TRMT11: variants seen among roughly 807,000 people sequenced by gnomAD.
The protein encoded by TRMT11 is tRNA methyltransferase 11.
Under a neutral mutation model 62.8 loss-of-function variants are expected in TRMT11, and 53 were observed. The ratio of observed to expected loss-of-function variants is 0.84; its 90% CI spans 0.68 to 1.06. The LOEUF (loss-of-function observed/expected upper bound fraction) is 1.06, where lower values mean the gene tolerates loss of function less well. Among genes scored for constraint, TRMT11 ranks in the 50% least tolerant of loss-of-function variants. The probability of loss-of-function intolerance (pLI) is 0.00; values close to 1 mark genes in which losing one functional copy is unlikely to be tolerated. For missense variants in TRMT11, 556 were observed against 553.4 expected (o/e 1.00, Z -0.05); for synonymous variants, 188 against 190.3 (o/e 0.99, Z 0.10).
chr6:126,112,203 G>T (rs1055486905), intron 17 of TRMT11, among the ~76,000 whole-genome samples: 1 of 152,054 alleles, frequency 6.6e-6, no homozygotes, highest in Non-Finnish European at 1.5e-5. Context: ...GCCACCACCT[G>T]CCCATTAGAG....
chr6:126,000,649 T>A (rs1792318027), intron 7 of TRMT11, among the ~76,000 whole-genome samples: 4 of 152,148 alleles, frequency 2.6e-5, no homozygotes, highest in Admixed American at 2.6e-4. Flanking sequence ...GCCAACCAGC[T>A]ATTACACCAT....
chr6:126,084,779 G>T (rs11964307), intron 17 of TRMT11, among the ~76,000 whole-genome samples: 1,935 of 152,212 alleles, frequency 0.013, 45 homozygotes, highest in African/African-American at 0.044. Context: ...AATCCTACCA[G>T]TTGTGGCAAC....
intron 17 of TRMT11, among the ~76,000 whole-genome samples, chr6:126,106,975 CTA>C (rs1206300616): frequency 2.7e-5 from 4 of 149,828 alleles, no homozygotes; most frequent in Admixed American, 2.7e-4. Context: ...TGTGGGGACA[CTA>C]TGATTATTGT....
chr6:126,226,540 A>C, the TRMT11 span, among the ~76,000 whole-genome samples: 1 of 152,192 alleles, frequency 6.6e-6, no homozygotes, highest in Non-Finnish European at 1.5e-5. Flanking sequence ...AATAATTTCT[A>C]TATGGAAATG....
chr6:126,109,305 T>C (rs73577932), intron 17 of TRMT11, among the ~76,000 whole-genome samples: 152 of 152,304 alleles, frequency 1.0e-3, no homozygotes, highest in African/African-American at 3.0e-3. Context: ...GTTGTCTCTT[T>C]AGTCTCTTTT....
intron 21 of TRMT11, among the ~76,000 whole-genome samples, chr6:126,163,337 T>C (rs956432868): frequency 1.3e-5 from 2 of 152,204 alleles, no homozygotes; most frequent in Admixed American, 6.5e-5. Flanking sequence ...TTGTCATTAG[T>C]TCTGTTTATG....
chr6:126,127,699 C>T (rs1777734259), intron 21 of TRMT11, among the ~76,000 whole-genome samples: 1 of 145,382 alleles, frequency 6.9e-6, no homozygotes, highest in Admixed American at 7.0e-5. Flanking sequence ...GTTCCCCTTC[C>T]TGTGTCCATG....
chr6:126,165,976 C>T (rs1778256701), intron 21 of TRMT11, among the ~76,000 whole-genome samples: 2 of 152,078 alleles, frequency 1.3e-5, no homozygotes, highest in African/African-American at 4.8e-5. Flanking sequence ...AGGCTTTGTT[C>T]ATTCCTTTTA....
At chr6:126,048,695 A>G (rs562393795) in intron 16 of TRMT11, among the ~76,000 whole-genome samples, 68 of 152,256 alleles carry the variant, frequency 4.5e-4, no homozygotes, top group Middle Eastern at 3.4e-3. Context: ...TTCTGATGCA[A>G]AGGCTACCAT....
intron 1 of TRMT11, among the ~76,000 whole-genome samples, chr6:126,189,056 G>A (rs1053013126): frequency 1.3e-5 from 2 of 152,136 alleles, no homozygotes; most frequent in Non-Finnish European, 2.9e-5. Flanking sequence ...ATTGGGAGAA[G>A]GGTTGGTTCT....
intron 1 of TRMT11, among the ~76,000 whole-genome samples, chr6:125,990,899 ATG>A (rs1247184159): frequency 6.6e-6 from 1 of 152,038 alleles, no homozygotes; most frequent in East Asian, 1.9e-4. Flanking sequence ...CCTAAGATAA[ATG>A]TGTGTGTATT....
intron 12 of TRMT11, among the ~76,000 whole-genome samples, chr6:126,034,529 A>G (rs1252544964): frequency 6.6e-6 from 1 of 152,160 alleles, no homozygotes; most frequent in Non-Finnish European, 1.5e-5. Flanking sequence ...AGTATAGTCA[A>G]TAGTCTTAAT....
intron 17 of TRMT11, among the ~76,000 whole-genome samples, chr6:126,056,204 T>C (rs1776370141): frequency 6.6e-6 from 1 of 152,228 alleles, no homozygotes. Context: ...TTGGGATGAT[T>C]TGTATGAATG....
chr6:125,995,982 C>A lies in TRMT11; in HGVS notation c.154C>A (p.Leu52Ile). 6.2e-7 allele frequency: 1 copy of A among 1,610,334 alleles called. No homozygotes were observed. The highest frequency in any genetic ancestry group is 1.1e-5 in the South Asian group (1 of 90,998). Reference sequence around the variant, plus strand: ...TTTCTTTTAGTCACCATTTTGGATTCTTAGCATTCCCTCTGAAGATATTGC... The same window carrying A: ...TTTCTTTTAGTCACCATTTTGGATTATTAGCATTCCCTCTGAAGATATTGC... The part of the protein sequence containing the change: ...ETYGKSPFWI[L>I]SIPSEDIARN... Residue 52 changes from leucine (L) to isoleucine (I), a missense_variant, in exon 3 of 13, where the codon CTT becomes ATT. By Grantham distance (5) the Leu-to-Ile change is conservative. Coordinates refer to ENST00000334379, the MANE Select transcript of TRMT11 (RefSeq NM_001031712.3).
At chr6:126,064,830 T>G (rs1017504599) in intron 17 of TRMT11, among the ~76,000 whole-genome samples, 11 of 152,226 alleles carry the variant, frequency 7.2e-5, no homozygotes, top group Non-Finnish European at 1.5e-4. Context: ...AGAGGTGGTT[T>G]TTGTTTTATG....
intron 12 of TRMT11, among the ~76,000 whole-genome samples, chr6:126,027,167 T>G (rs993591973): frequency 7.2e-5 from 11 of 152,206 alleles, no homozygotes; most frequent in African/African-American, 2.2e-4. Context: ...CTGCTATATG[T>G]GGTTGTAGTC....
intron 1 of TRMT11, among the ~76,000 whole-genome samples, chr6:126,179,508 A>G (rs1778431101): frequency 6.6e-6 from 1 of 152,186 alleles, no homozygotes; most frequent in African/African-American, 2.4e-5. Flanking sequence ...CTTGGCTTCC[A>G]GGATATCACA....
chr6:126,102,231 T>G (rs1777409770), intron 17 of TRMT11, among the ~76,000 whole-genome samples: 1 of 152,248 alleles, frequency 6.6e-6, no homozygotes, highest in South Asian at 2.1e-4. Flanking sequence ...AAGAAAAGAA[T>G]GTGTCCATGG....
chr6:126,003,783 C>A (rs1792913863), intron 7 of TRMT11, among the ~76,000 whole-genome samples: 1 of 152,002 alleles, frequency 6.6e-6, no homozygotes, highest in Non-Finnish European at 1.5e-5. Context: ...CCTCCTCACA[C>A]TCCCCTTATT....
Sources: allele counts gnomAD v4.1 joint callset (sites outside exome capture counted in the v4.1 genomes callset), GRCh38; gene constraint gnomAD v4.1.1; transcripts MANE v1.5; gene names NCBI Gene and HGNC (gene_info 2026-07-23, HGNC 2026-07-21).